CWC22: variants seen among roughly 807,000 people sequenced by gnomAD.
The protein encoded by CWC22 is pre-mRNA-splicing factor CWC22 homolog.
CWC22 carries 53 observed loss-of-function variants against 117.2 expected under a neutral mutation model. The ratio of observed to expected loss-of-function variants is 0.45; its 90% CI spans 0.36 to 0.57. The LOEUF (loss-of-function observed/expected upper bound fraction) is 0.57, where lower values mean the gene tolerates loss of function less well. Ranked by LOEUF, CWC22 falls within the 20% of genes least tolerant of loss-of-function variation. CWC22 has a pLI of 0.00. For synonymous variants in CWC22, 360 were observed against 355.6 expected (o/e 1.01, Z -0.14); for missense variants, 980 against 1,068.8 (o/e 0.92, Z 1.16).
At chr2:179,993,266 G>A (rs1210203063) in intron 2 of CWC22, 49 bp downstream of exon 2, 5 of 1,272,852 alleles carry the variant, frequency 3.9e-6, no homozygotes, top group Non-Finnish European at 1.1e-6. Flanking sequence ...TAAAGAATAG[G>A]TAATTGACTA....
At chr2:179,957,432 G>T (rs1165390360) in intron 14 of CWC22, among the ~76,000 whole-genome samples, 1 of 152,132 alleles carries the variant, frequency 6.6e-6, no homozygotes, top group Non-Finnish European at 1.5e-5. Flanking sequence ...AGGCTTTAGA[G>T]TCCATATGAT....
rs751629858 is a variant in CWC22 at position 179,970,908 on chromosome 2, AAACTT to A, written c.940+28_940+32del. 2.5e-6 allele frequency: 4 copies of A among 1,609,496 alleles called. No individual in the cohort carries two copies. In the East Asian group the frequency reaches 6.7e-5, roughly 27 times the overall value. ...ATAAAATAAGCAATAAATATAATAA[AAACTT>A]AACATCAAACTATGAATGTACACTT... is the stretch of plus-strand genomic sequence containing the variant. On this transcript the variant is annotated intron_variant, in intron 9 of 19. Transcript: ENST00000410053.
At chr2:179,972,263 T>C (rs1372607408) in intron 8 of CWC22, among the ~76,000 whole-genome samples, 2 of 152,132 alleles carry the variant, frequency 1.3e-5, no homozygotes, top group African/African-American at 2.4e-5. Context: ...TGATATTAAA[T>C]TGGAAATGAT....
chr2:179,948,566 C>T (rs1686367592), intron 19 of CWC22, among the ~76,000 whole-genome samples: 1 of 152,118 alleles, frequency 6.6e-6, no homozygotes, highest in African/African-American at 2.4e-5. Flanking sequence ...AAGGTTGTCA[C>T]CCAAAATAAA....
intron 11 of CWC22, among the ~76,000 whole-genome samples, chr2:179,968,825 C>A (rs1686959120): frequency 1.3e-5 from 2 of 152,098 alleles, no homozygotes; most frequent in Non-Finnish European, 1.5e-5. Context: ...CTCCGCCTCC[C>A]AAAATGCTGG....
chr2:179,985,035 A>G (rs565782787), intron 4 of CWC22, among the ~76,000 whole-genome samples: 326 of 152,142 alleles, frequency 2.1e-3, no homozygotes, highest in African/African-American at 7.6e-3. Flanking sequence ...AAACAACCAG[A>G]CAAGATACAT....
intron 17 of CWC22, 148 bp from the exon 18 acceptor site, chr2:179,951,074 T>C (rs1686435054): frequency 1.7e-6 from 1 of 584,512 alleles, no homozygotes; most frequent in South Asian, 2.1e-5. Context: ...TAGGTTAGGC[T>C]ACGTGCTATC....
intron 1 of CWC22, 121 bp from the exon 2 acceptor site, chr2:179,993,575 A>G (rs1362555062): frequency 4.2e-6 from 2 of 473,776 alleles, no homozygotes; most frequent in African/African-American, 4.0e-5. Context: ...AACAAATATA[A>G]TAAAAATTGT....
At chr2:180,005,113 T>C (rs1575662812) in intron 1 of CWC22, among the ~76,000 whole-genome samples, 1 of 152,042 alleles carries the variant, frequency 6.6e-6, no homozygotes, top group African/African-American at 2.4e-5. Flanking sequence ...GTAATTTACA[T>C]TGCTAACAAG....
chr2:179,982,815 T>A (rs1687319356), intron 4 of CWC22, among the ~76,000 whole-genome samples: 1 of 152,122 alleles, frequency 6.6e-6, no homozygotes, highest in Non-Finnish European at 1.5e-5. Context: ...TTGCTATCTT[T>A]CCCCAGAGCA....
intron 13 of CWC22, among the ~76,000 whole-genome samples, chr2:179,959,983 C>T (rs1686704506): frequency 6.6e-6 from 1 of 152,032 alleles, no homozygotes; most frequent in African/African-American, 2.4e-5. Flanking sequence ...CAAGCCATAA[C>T]TAATCAGATA....
At chr2:179,981,213 T>C (rs964813198) in intron 5 of CWC22, among the ~76,000 whole-genome samples, 7 of 152,240 alleles carry the variant, frequency 4.6e-5, no homozygotes, top group Non-Finnish European at 8.8e-5. Flanking sequence ...TAATGCTTTA[T>C]TGGAACACAG....
At chr2:179,997,589 T>C (rs1687740106) in intron 1 of CWC22, among the ~76,000 whole-genome samples, 2 of 152,140 alleles carry the variant, frequency 1.3e-5, no homozygotes, top group South Asian at 4.1e-4. Flanking sequence ...CGACTTACTT[T>C]TGCTCAAAGA....
intron 5 of CWC22, 38 bp from the exon 6 acceptor site, chr2:179,978,356 T>C (rs1266591280): frequency 7.1e-7 from 1 of 1,415,376 alleles, no homozygotes; most frequent in Non-Finnish European, 9.2e-7. Context: ...TAAAACTTAA[T>C]TACAATAATA....
chr2:179,973,132 G>C (rs1687073588), intron 8 of CWC22, 61 bp downstream of exon 8: 1 of 1,025,042 alleles, frequency 9.8e-7, no homozygotes, highest in African/African-American at 1.6e-5. Flanking sequence ...TCAGTGAAGT[G>C]GCATCAACCC....
intron 4 of CWC22, among the ~76,000 whole-genome samples, chr2:179,983,285 G>A (rs1687331277): frequency 6.6e-6 from 1 of 151,820 alleles, no homozygotes; most frequent in Non-Finnish European, 1.5e-5. Context: ...CCCTCCATAA[G>A]GCCCCAGTGT....
At chr2:179,973,032 A>T (rs1687071740) in intron 8 of CWC22, among the ~76,000 whole-genome samples, 161 bp downstream of exon 8, 1 of 152,002 alleles carries the variant, frequency 6.6e-6, no homozygotes, top group African/African-American at 2.4e-5. Flanking sequence ...AAAAAAGAAC[A>T]TTAAATATAT....
At chr2:179,985,159 T>C (rs556187666) in intron 4 of CWC22, among the ~76,000 whole-genome samples, 12 of 152,194 alleles carry the variant, frequency 7.9e-5, no homozygotes, top group African/African-American at 2.9e-4. Flanking sequence ...TCTGCATGAA[T>C]ATGGAATCTA....
chr2:179,946,500 A>C (rs1686307127), intron 19 of CWC22, among the ~76,000 whole-genome samples: 1 of 148,596 alleles, frequency 6.7e-6, no homozygotes, highest in Admixed American at 6.8e-5. Flanking sequence ...GAGGAAGGGG[A>C]ATATATAATA....
Sources: gnomAD v4.1 joint callset for allele counts (sites outside exome capture counted in the v4.1 genomes callset) on GRCh38, gnomAD v4.1.1 for gene constraint, MANE v1.5 for transcripts, NCBI Gene and HGNC (gene_info 2026-07-23, HGNC 2026-07-21) for gene names.